The following VIPR1 variants were observed in gnomAD, a reference collection of about 807,000 sequenced individuals.
The protein encoded by VIPR1 is vasoactive intestinal peptide receptor 1, also known as vasoactive intestinal polypeptide receptor 1.
VIPR1 carries 59 observed loss-of-function variants against 58.8 expected under a neutral mutation model. The ratio of observed to expected loss-of-function variants is 1.00; its 90% CI spans 0.81 to 1.25. VIPR1 has a LOEUF of 1.25. VIPR1 is among the 50% of genes most tolerant of loss of function. VIPR1 has a pLI of 0.00. For missense variants in VIPR1, 626 were observed against 602.7 expected (o/e 1.04, Z -0.40); for synonymous variants, 251 against 242.1 (o/e 1.04, Z -0.34).
At chr3:42,519,483 T>A (rs1700805594) in intron 3 of VIPR1, 153 bp downstream of exon 3, 2 of 536,652 alleles carry the variant, frequency 3.7e-6, no homozygotes, top group East Asian at 3.4e-5. Flanking sequence ...GCTGGGTCTT[T>A]AAAGAACTCA....
chr3:42,531,465 T>C lies in VIPR1; in HGVS notation c.791-6T>C, dbSNP rs920217242. The C allele has an allele frequency of 1.3e-6, 2 of 1,576,516 alleles. No individual in the cohort carries two copies. The highest frequency in any genetic ancestry group is 1.8e-5 in the Admixed American group (1 of 54,652). The stretch of plus-strand genomic sequence containing the variant: ...TCTGCTCTTTCACTCTCCCTGGGCC[T>C]GACAGGGGTACCCAGCACATTCACC... On this transcript the variant is annotated splice_region_variant and splice_polypyrimidine_tract_variant and intron_variant, in intron 7 of 12. Transcript: ENST00000325123.
chr3:42,504,165 T>A (rs1700004055), intron 1 of VIPR1, among the ~76,000 whole-genome samples: 1 of 152,134 alleles, frequency 6.6e-6, no homozygotes, highest in South Asian at 2.1e-4. Flanking sequence ...AACCACCATC[T>A]GGCCCTCCCA....
rs1029070584 is a variant in VIPR1, at chr3:42,509,932, C to T, written c.79-3817C>T. Among the ~76,000 whole-genome samples the T allele has an allele frequency of 5.9e-5, 9 of 152,328 alleles. 1 individual carries two copies. The highest frequency in any genetic ancestry group is 1.9e-4 in the East Asian group (1 of 5,184). ...GTTCCTGCCTGGACTGGTGCAGTAG[C>T]TTTCAGCCCCACCACCTGCAACCTG... On this transcript the variant is annotated intron_variant, in intron 1 of 12. Coordinates refer to ENST00000325123, the MANE Select transcript of VIPR1 (RefSeq NM_004624.4).
At position 42,536,093 on chromosome 3, in the gene VIPR1, C is replaced by T. The variant is rs150295973; in HGVS notation, c.1186C>T (p.Gln396Ter). The T allele has an allele frequency of 4.4e-6, 7 of 1,597,514 alleles. No individual in the cohort carries two copies. Among genetic ancestry groups the T allele is most frequent in the Non-Finnish European group, 6.0e-6 (7 of 1,172,568 alleles). The change falls in exon 13 of 13, where the codon CAG becomes TAG. Residue 396 changes from glutamine to a stop codon, truncating the protein, a stop_gained. Coordinates refer to ENST00000325123, the MANE Select transcript of VIPR1 (RefSeq NM_004624.4). LOFTEE classifies it high-confidence loss of function. Reference protein sequence around the residue: ...ILYCFLNGEVQAELRRKWRRW... With the variant: ...ILYCFLNGEV ...TGACCACCTTCCCCTCTCCTAGGTG[C>T]AGGCGGAGCTGAGGCGGAAGTGGCG...
intron 1 of VIPR1, among the ~76,000 whole-genome samples, chr3:42,495,225 G>A (rs1044925557): frequency 4.6e-5 from 7 of 151,992 alleles, no homozygotes; most frequent in South Asian, 2.1e-4. Context: ...GGGTTCAAGC[G>A]ATTCTCCTGC....
rs760680808 is a variant in VIPR1, at chr3:42,526,011, C to G, written c.399+18C>G. Reference sequence around the variant, plus strand: ...TGGATGAGGTGGGTCTCAGGGCACCCCCACCTCACCTGCAGAGCGCCGGGG... The same window carrying G: ...TGGATGAGGTGGGTCTCAGGGCACCGCCACCTCACCTGCAGAGCGCCGGGG... On this transcript the variant is annotated intron_variant, in intron 4 of 12. Transcript: ENST00000325123. The G allele has an allele frequency of 1.9e-6, 3 of 1,600,814 alleles. No homozygotes were observed. In the African/African-American group the frequency reaches 4.0e-5, roughly 21 times the overall value.
At chr3:42,495,405 G>A (rs1252048371) in intron 1 of VIPR1, among the ~76,000 whole-genome samples, 2 of 152,204 alleles carry the variant, frequency 1.3e-5, no homozygotes, top group Non-Finnish European at 2.9e-5. Flanking sequence ...ACAGGCATGA[G>A]CCACTGTGCC....
At chr3:42,522,825 T>C (rs1384626407) in intron 3 of VIPR1, among the ~76,000 whole-genome samples, 1 of 152,200 alleles carries the variant, frequency 6.6e-6, no homozygotes, top group East Asian at 1.9e-4. Flanking sequence ...CCTCAATTCC[T>C]GGCTCCAGGC....
At chr3:42,516,198 G>T (rs2125649422) in intron 2 of VIPR1, among the ~76,000 whole-genome samples, 1 of 152,328 alleles carries the variant, frequency 6.6e-6, no homozygotes, top group East Asian at 1.9e-4. Flanking sequence ...AGCCCCACCT[G>T]TGGGCACACA....
rs1701883992 is a variant in VIPR1 at position 42,536,891 on chromosome 3, G to A, written c.*610G>A. ...TTGTTTGGAGAGCACACCTATCTTA[G>A]TGGTTCCCCACCGAAGTGGACTGGC... On this transcript the variant is annotated 3_prime_UTR_variant, in exon 13 of 13. Coordinates refer to ENST00000325123, the MANE Select transcript of VIPR1 (RefSeq NM_004624.4). 6.6e-6 allele frequency: 1 copy of A among 152,240 alleles called. No individual in the cohort carries two copies. Among genetic ancestry groups the A allele is most frequent in the African/African-American group, 2.4e-5 (1 of 41,446 alleles). The allele number at this position is 152,240 out of a possible 1,614,324, so 9.4% of individuals were successfully genotyped here.
intron 3 of VIPR1, among the ~76,000 whole-genome samples, chr3:42,524,788 C>T (rs1264440037): frequency 2.0e-5 from 3 of 152,084 alleles, no homozygotes; most frequent in Admixed American, 2.0e-4. Flanking sequence ...CCAAGCTTAC[C>T]TGGGAAGACT....
intron 2 of VIPR1, among the ~76,000 whole-genome samples, chr3:42,515,502 C>A (rs1700578657): frequency 6.6e-6 from 1 of 152,248 alleles, no homozygotes; most frequent in Admixed American, 6.5e-5. Context: ...ACTCTAGACT[C>A]CACTGCGCAC....
At chr3:42,513,920 A>G in intron 2 of VIPR1, 66 bp downstream of exon 2, 1 of 1,498,150 alleles carries the variant, frequency 6.7e-7, no homozygotes, top group South Asian at 1.2e-5. Flanking sequence ...TCATGTCTCA[A>G]GCTGAGATCC....
Position 42,535,005 on chromosome 3 carries a change from C to T in VIPR1, c.1041C>T (p.Ile347=), listed in dbSNP as rs745881413. The T allele has an allele frequency of 3.1e-6, 5 of 1,614,088 alleles. No homozygotes were observed. In the Admixed American group the frequency reaches 8.3e-5, roughly 27 times the overall value. Residue 347 remains isoleucine (I), a synonymous_variant, in exon 11 of 13, where the codon ATC becomes ATT. Coordinates refer to ENST00000325123, the MANE Select transcript of VIPR1 (RefSeq NM_004624.4). ...TAGCCAGGTCCACACTCCTGCTGAT[C>T]CCCCTGTTTGGAGTACACTACATCA... ...SRLARSTLLL[I]PLFGVHYIMF...
chr3:42,497,806 C>T (rs1177484446), upstream of VIPR1, among the ~76,000 whole-genome samples: 1 of 152,180 alleles, frequency 6.6e-6, no homozygotes, highest in African/African-American at 2.4e-5. Flanking sequence ...TCGCCTTCTG[C>T]CATGATTGTG....
intron 6 of VIPR1, among the ~76,000 whole-genome samples, chr3:42,528,987 C>G (rs1701384242): frequency 6.6e-6 from 1 of 152,198 alleles, no homozygotes; most frequent in South Asian, 2.1e-4. Context: ...GAGGTTCTGT[C>G]CCAGGAGCTG....
At chr3:42,493,876 T>C (rs1699710013) in intron 1 of VIPR1, among the ~76,000 whole-genome samples, 1 of 152,142 alleles carries the variant, frequency 6.6e-6, no homozygotes, top group Non-Finnish European at 1.5e-5. Flanking sequence ...TCTGGGCCCA[T>C]CCCTTTCTGG....
chr3:42,519,215 C>A lies in VIPR1; in HGVS notation c.185-8C>A. The A allele has an allele frequency of 1.2e-6, 2 of 1,601,916 alleles. No homozygotes were observed. Among genetic ancestry groups the A allele is most frequent in the Non-Finnish European group, 1.7e-6 (2 of 1,174,228 alleles). ...CTCACCCATGTGTCTTCTGCCTTAC[C>A]CCCATAGGCTGCAGCAAGATGTGGG... On this transcript the variant is annotated splice_region_variant and splice_polypyrimidine_tract_variant and intron_variant, in intron 2 of 12. Transcript: ENST00000325123.
At chr3:42,516,414 C>G (rs1700631366) in intron 2 of VIPR1, 1 of 152,664 alleles carries the variant, frequency 6.6e-6, no homozygotes, top group African/African-American at 2.4e-5. Context: ...CATCCTGCTC[C>G]CCTGCCCTGC....
Sources: allele counts gnomAD v4.1 joint callset (sites outside exome capture counted in the v4.1 genomes callset), GRCh38; gene constraint gnomAD v4.1.1; transcripts MANE v1.5; gene names NCBI Gene and HGNC (gene_info 2026-07-23, HGNC 2026-07-21).